The following LIN9 variants were observed in gnomAD, a reference collection of about 807,000 sequenced individuals.
LIN9 encodes lin-9 DREAM MuvB core complex component.
A neutral mutation model predicts 78.0 loss-of-function variants in LIN9; 18 were observed. The observed-to-expected ratio is 0.23, with a 90% CI of 0.16 to 0.34. LIN9 has a LOEUF of 0.34. LIN9 is among the 10% of genes least tolerant of loss of function. The probability of loss-of-function intolerance (pLI) is 1.00; values close to 1 mark genes in which losing one functional copy is unlikely to be tolerated. For missense variants in LIN9, 451 were observed against 644.1 expected (o/e 0.70, Z 3.25); for synonymous variants, 192 against 215.2 (o/e 0.89, Z 0.94).
chr1:226,276,146 C>T (rs1660642364), intron 7 of LIN9, among the ~76,000 whole-genome samples: 1 of 152,198 alleles, frequency 6.6e-6, no homozygotes, highest in African/African-American at 2.4e-5. Context: ...TACATAAAAA[C>T]ACTACCTAAG....
At chr1:226,289,642 A>T (rs1284298822) in intron 4 of LIN9, among the ~76,000 whole-genome samples, 1 of 152,124 alleles carries the variant, frequency 6.6e-6, no homozygotes, top group Non-Finnish European at 1.5e-5. Context: ...GATTACAGGT[A>T]TGAGCTGCCA....
chr1:226,268,515 G>A (rs912725208), intron 7 of LIN9, among the ~76,000 whole-genome samples: 3 of 152,160 alleles, frequency 2.0e-5, no homozygotes, highest in Admixed American at 1.3e-4. Flanking sequence ...AAACCTCCTT[G>A]CAAGGTTGGC....
At chr1:226,241,825 T>C (rs949574064) in intron 11 of LIN9, among the ~76,000 whole-genome samples, 1 of 150,988 alleles carries the variant, frequency 6.6e-6, no homozygotes, top group African/African-American at 2.4e-5. Flanking sequence ...GCCACTGCAC[T>C]CCAGCCTGGG....
intron 8 of LIN9, among the ~76,000 whole-genome samples, chr1:226,267,230 G>GATATATATATAT (rs4012808): frequency 1.2e-4 from 17 of 137,698 alleles, no homozygotes; most frequent in East Asian, 8.4e-4. Flanking sequence ...GCACTAAGGA[G>GATATATATATAT]ATATATATAT....
intron 7 of LIN9, among the ~76,000 whole-genome samples, chr1:226,269,249 ATCTC>A (rs1320301891): frequency 6.6e-6 from 1 of 152,212 alleles, no homozygotes; most frequent in South Asian, 2.1e-4. Flanking sequence ...GAGGACTAAA[ATCTC>A]TCTCAGTTTC....
At chr1:226,256,773 T>C (rs570896902) in intron 10 of LIN9, among the ~76,000 whole-genome samples, 5 of 152,010 alleles carry the variant, frequency 3.3e-5, no homozygotes, top group African/African-American at 7.2e-5. Flanking sequence ...TTAGTCAGGA[T>C]GGTCTGGATC....
intron 10 of LIN9, among the ~76,000 whole-genome samples, chr1:226,253,357 C>T (rs536341949): frequency 6.6e-6 from 1 of 151,284 alleles, no homozygotes; most frequent in East Asian, 2.0e-4. Context: ...CAGGCTAGAA[C>T]GCAACTGCAT....
Position 226,297,742 on chromosome 1 carries a change from T to G in LIN9, c.136A>C (p.Asn46His), listed in dbSNP as rs147158007. 32 of 1,587,850 alleles carry G rather than the reference T, an allele frequency of 2.0e-5. No homozygotes were observed. The highest frequency in any genetic ancestry group is 7.4e-5 in the Admixed American group (4 of 54,182). The part of the protein sequence containing the change: ...LQKTPVWKGR[N>H]TSSAVEMPFR... ...ACCATTTCCACAGCAGAGCTTGTAT[T>G]CCTGCCTTTCCAAACAGGTGTTTTC... Residue 46 changes from asparagine to histidine, a missense_variant, in exon 3 of 15, where the codon AAT becomes CAT. By Grantham distance (68) the Asn-to-His change is moderately conservative. Coordinates refer to ENST00000681046, the MANE Select transcript of LIN9 (RefSeq NM_001366245.2).
At chr1:226,268,416 T>C (rs901727959) in intron 7 of LIN9, among the ~76,000 whole-genome samples, 4 of 150,902 alleles carry the variant, frequency 2.7e-5, no homozygotes, top group African/African-American at 9.8e-5. Flanking sequence ...GCACCAGGAG[T>C]AGTTCAATTT....
chr1:226,262,345 C>A (rs982038852), intron 10 of LIN9, among the ~76,000 whole-genome samples: 2 of 152,078 alleles, frequency 1.3e-5, no homozygotes, highest in African/African-American at 4.8e-5. Context: ...AAAAGACAAG[C>A]CACAGACTGG....
chr1:226,305,069 C>T (rs1409195562), intron 1 of LIN9, among the ~76,000 whole-genome samples: 1 of 151,834 alleles, frequency 6.6e-6, no homozygotes, highest in Non-Finnish European at 1.5e-5. Context: ...ACTCAGGAGG[C>T]TAAGGCAGGA....
intron 7 of LIN9, among the ~76,000 whole-genome samples, chr1:226,271,176 T>C (rs1394798863): frequency 6.6e-6 from 1 of 152,196 alleles, no homozygotes; most frequent in Non-Finnish European, 1.5e-5. Flanking sequence ...TAGACATTTT[T>C]CCAAACTTCT....
chr1:226,274,225 A>G (rs1660488202), intron 7 of LIN9, among the ~76,000 whole-genome samples: 1 of 152,168 alleles, frequency 6.6e-6, no homozygotes, highest in Admixed American at 6.5e-5. Context: ...TCATTTATTC[A>G]TTTCTGGTGC....
intron 6 of LIN9, among the ~76,000 whole-genome samples, chr1:226,279,080 G>A (rs1660868490): frequency 6.6e-6 from 1 of 152,054 alleles, no homozygotes; most frequent in African/African-American, 2.4e-5. Flanking sequence ...AGAATGGCGT[G>A]AACCCGGGAG....
Position 226,266,259 on chromosome 1 carries a change from G to A in LIN9, c.890C>T (p.Thr297Ile), listed in dbSNP as rs780144770. ...QKQRPSRFFMTPPRLHYTPPL... is the reference protein window; with the variant it reads ...QKQRPSRFFMIPPRLHYTPPL... Reference sequence around the variant, plus strand: ...AGGAGTATAATGTAACCGTGGTGGGGTCATAAAAAATCGAGAAGGCCGCTG... The same window carrying A: ...AGGAGTATAATGTAACCGTGGTGGGATCATAAAAAATCGAGAAGGCCGCTG... The change falls in exon 9 of 15, where the codon ACC becomes ATC. Residue 297 changes from threonine (T) to isoleucine (I), a missense_variant. Coordinates refer to ENST00000681046, the MANE Select transcript of LIN9 (RefSeq NM_001366245.2). The A allele has an allele frequency of 1.2e-6, 2 of 1,601,178 alleles. No individual in the cohort carries two copies. The highest frequency in any genetic ancestry group is 1.1e-5 in the South Asian group (1 of 89,634).
At chr1:226,241,853 G>A (rs1273126696) in intron 11 of LIN9, among the ~76,000 whole-genome samples, 1 of 148,132 alleles carries the variant, frequency 6.8e-6, no homozygotes, top group African/African-American at 2.5e-5. Flanking sequence ...GCGAGACTCT[G>A]TTTCAAAAAA....
At chr1:226,251,229 A>AT (rs398050141) in intron 10 of LIN9, among the ~76,000 whole-genome samples, 58,987 of 132,326 alleles carry the variant, frequency 0.45, 12,332 homozygotes, top group East Asian at 0.49. Flanking sequence ...AATTTTTGTA[A>AT]TTTTTTTTTT....
At position 226,246,067 on chromosome 1, in the gene LIN9, A is replaced by G. The variant is rs76199084; in HGVS notation, c.1119+4772T>C. ...TTCTCTCTATACTTTAAGTGCCACA[A>G]GAGTTATTTAATGTGTCACTTAGAT... On this transcript the variant is annotated intron_variant, in intron 11 of 14. Transcript: ENST00000681046. 9.2e-4 allele frequency among the ~76,000 whole-genome samples: 140 copies of G among 152,352 alleles called. 1 individual carries two copies. The East Asian group carries it at 0.025, about 27-fold the overall frequency.
At chr1:226,264,819 A>T (rs1659815829) in intron 10 of LIN9, among the ~76,000 whole-genome samples, 1 of 152,220 alleles carries the variant, frequency 6.6e-6, no homozygotes, top group Admixed American at 6.5e-5. Context: ...ACTGCACTCC[A>T]GCCTGGGCAA....
Sources: allele counts gnomAD v4.1 joint callset (sites outside exome capture counted in the v4.1 genomes callset), GRCh38; gene constraint gnomAD v4.1.1; transcripts MANE v1.5; gene names NCBI Gene and HGNC (gene_info 2026-07-23, HGNC 2026-07-21).